The following ZNF254 variants were observed in gnomAD, a reference collection of about 807,000 sequenced individuals.
ZNF254 encodes the protein zinc finger protein 254.
A neutral mutation model predicts 12.4 loss-of-function variants in ZNF254; 10 were observed. The ratio of observed to expected loss-of-function variants is 0.80; its 90% CI spans 0.50 to 1.36. The LOEUF (loss-of-function observed/expected upper bound fraction) is 1.36. Ranked by LOEUF, ZNF254 falls within the 40% of genes most tolerant of loss-of-function variation. The pLI, the probability that ZNF254 is intolerant of heterozygous loss-of-function variation, is 0.00. For synonymous variants in ZNF254, 305 were observed against 253.4 expected (o/e 1.20, Z -1.93); for missense variants, 996 against 763.9 (o/e 1.30, Z -3.58).
chr19:24,075,355 G>C (rs1035236392), intron 2 of ZNF254, among the ~76,000 whole-genome samples: 1 of 152,104 alleles, frequency 6.6e-6, no homozygotes, highest in Non-Finnish European at 1.5e-5. Flanking sequence ...TTTCAATGTA[G>C]GTTCTTTTCT....
At chr19:24,088,502 C>T (rs919536693) in intron 1 of ZNF254, among the ~76,000 whole-genome samples, 2 of 152,090 alleles carry the variant, frequency 1.3e-5, no homozygotes, top group African/African-American at 4.8e-5. Flanking sequence ...ATCCCCTATT[C>T]CTCCAGCCTA....
At chr19:24,082,482 T>TA (rs748512682), upstream of ZNF254, among the ~76,000 whole-genome samples, 123 of 70,330 alleles carry the variant, frequency 1.7e-3, 1 homozygote, top group African/African-American at 5.4e-3. Flanking sequence ...CCATCTATAC[T>TA]AAAAAAAAAA....
intron 2 of ZNF254, among the ~76,000 whole-genome samples, chr19:24,072,568 A>T (rs929188164): frequency 1.3e-5 from 2 of 152,192 alleles, no homozygotes; most frequent in Non-Finnish European, 2.9e-5. Context: ...GGCCCTGCCC[A>T]CAAGAGGCCT....
At chr19:24,087,502 A>G (rs564674463) in intron 1 of ZNF254, among the ~76,000 whole-genome samples, 165 bp downstream of exon 1, 2 of 152,300 alleles carry the variant, frequency 1.3e-5, no homozygotes, top group East Asian at 3.9e-4. Context: ...GCTGACAGCC[A>G]GACCCCCAGG....
intron 1 of ZNF254, among the ~76,000 whole-genome samples, chr19:24,089,844 C>T (rs564803475): frequency 6.6e-6 from 1 of 151,836 alleles, no homozygotes; most frequent in South Asian, 2.1e-4. Flanking sequence ...CTCCTGGTTT[C>T]CTTTAGAGAA....
At chr19:24,055,839 T>A (rs1263818656) in intron 2 of ZNF254, among the ~76,000 whole-genome samples, 1 of 152,228 alleles carries the variant, frequency 6.6e-6, no homozygotes, top group East Asian at 1.9e-4. Flanking sequence ...TTTAGTTCAC[T>A]GTTGACATTG....
chr19:24,115,465 A>T (rs1973987178), intron 3 of ZNF254, among the ~76,000 whole-genome samples: 1 of 150,400 alleles, frequency 6.6e-6, no homozygotes, highest in Non-Finnish European at 1.5e-5. Context: ...CATGGGGGGA[A>T]TTGAACAATG....
At chr19:24,040,896 C>G (rs530629474) in intron 1 of ZNF254, among the ~76,000 whole-genome samples, 2 of 152,352 alleles carry the variant, frequency 1.3e-5, no homozygotes, top group Non-Finnish European at 2.9e-5. Flanking sequence ...GTAAGGGACT[C>G]TGTGTGCTAT....
At chr19:24,047,083 G>A (rs1034461595) in intron 2 of ZNF254, among the ~76,000 whole-genome samples, 1 of 151,858 alleles carries the variant, frequency 6.6e-6, no homozygotes, top group Non-Finnish European at 1.5e-5. Context: ...TGGCCAGTCT[G>A]GTCTCGAACT....
At chr19:24,037,944 A>G (rs1970027682) in intron 1 of ZNF254, among the ~76,000 whole-genome samples, 1 of 151,946 alleles carries the variant, frequency 6.6e-6, no homozygotes. Context: ...ATGGAATTTC[A>G]CCATGTTGAC....
At chr19:24,056,279 C>T (rs1330818081) in intron 2 of ZNF254, among the ~76,000 whole-genome samples, 1 of 152,052 alleles carries the variant, frequency 6.6e-6, no homozygotes, top group Non-Finnish European at 1.5e-5. Context: ...GGTTTGACAC[C>T]CTGGTAATGT....
At chr19:24,070,420 TG>T (rs1404199634) in intron 2 of ZNF254, among the ~76,000 whole-genome samples, 1 of 152,128 alleles carries the variant, frequency 6.6e-6, no homozygotes, top group Non-Finnish European at 1.5e-5. Context: ...CTGGAGGCAG[TG>T]GGAAGTTGCA....
intron 3 of ZNF254, among the ~76,000 whole-genome samples, chr19:24,120,791 T>C (rs536891738): frequency 2.6e-5 from 4 of 152,146 alleles, no homozygotes; most frequent in South Asian, 2.1e-4. Flanking sequence ...GCCTCCTGAG[T>C]ACCTGGAACT....
At chr19:24,046,030 C>T (rs938584712) in intron 1 of ZNF254, among the ~76,000 whole-genome samples, 3 of 151,152 alleles carry the variant, frequency 2.0e-5, no homozygotes, top group Non-Finnish European at 3.0e-5. Context: ...AAAATACTTC[C>T]TACATATTCT....
intron 2 of ZNF254, among the ~76,000 whole-genome samples, chr19:24,065,226 C>T (rs1971226910): frequency 6.6e-6 from 1 of 152,178 alleles, no homozygotes; most frequent in South Asian, 2.1e-4. Context: ...TTGCTGGGCC[C>T]AGGAACCAGG....
Position 24,126,683 on chromosome 19 carries a change from A to T in ZNF254, c.683A>T (p.His228Leu), listed in dbSNP as rs372130135. 2 of 1,613,390 alleles carry T rather than the reference A, an allele frequency of 1.2e-6. No homozygotes were observed. Among genetic ancestry groups the T allele is most frequent in the South Asian group, 2.2e-5 (2 of 90,930 alleles). The change falls in exon 4 of 4, where the codon CAT (histidine) becomes CTT (leucine). Residue 228 changes from histidine to leucine, a missense_variant. Physicochemically the swap from His to Leu is moderately conservative, Grantham distance 99 (BLOSUM62 -3). Coordinates refer to ENST00000357002, the MANE Select transcript of ZNF254 (RefSeq NM_203282.4). ...TFNWSSTLTN[H>L]RKIYTEEKPY... is the part of the protein sequence containing the mutation. ...AATTGGTCCTCAACCCTTACTAATCATAGGAAAATTTATACTGAAGAGAAA... is the reference window on the plus strand; with the variant it reads ...AATTGGTCCTCAACCCTTACTAATCTTAGGAAAATTTATACTGAAGAGAAA...
chr19:24,096,408 A>C (rs1399570988), intron 1 of ZNF254, among the ~76,000 whole-genome samples: 2 of 152,044 alleles, frequency 1.3e-5, no homozygotes, highest in Non-Finnish European at 2.9e-5. Context: ...TTTCTGCCTT[A>C]ATTTCATTAT....
At position 24,126,988 on chromosome 19, in the gene ZNF254, G is replaced by T; in HGVS notation, c.988G>T (p.Ala330Ser). The change falls in exon 4 of 4, where the codon GCA becomes TCA. Residue 330 changes from alanine to serine, a missense_variant. Transcript: ENST00000357002. ...KPYKCEECGK[A>S]FIWSSTLTRH... The stretch of plus-strand genomic sequence containing the variant: ...CTACAAGTGTGAAGAATGTGGCAAA[G>T]CATTTATATGGTCCTCAACACTAAC... 1.2e-6 allele frequency: 2 copies of T among 1,613,534 alleles called. No individual in the cohort carries two copies. The highest frequency in any genetic ancestry group is 2.7e-5 in the African/African-American group (2 of 74,948).
At chr19:24,055,757 G>A (rs1431080483) in intron 2 of ZNF254, among the ~76,000 whole-genome samples, 1 of 152,182 alleles carries the variant, frequency 6.6e-6, no homozygotes, top group African/African-American at 2.4e-5. Flanking sequence ...GCAAGATTCA[G>A]CATGCGTATG....
Sources: gnomAD v4.1 joint callset for allele counts (sites outside exome capture counted in the v4.1 genomes callset) on GRCh38, gnomAD v4.1.1 for gene constraint, MANE v1.5 for transcripts, NCBI Gene and HGNC (gene_info 2026-07-23, HGNC 2026-07-21) for gene names.